The following IQCM variants were observed in gnomAD, a reference collection of about 807,000 sequenced individuals.
IQCM encodes IQ motif containing M.
A neutral mutation model predicts 57.6 loss-of-function variants in IQCM; 45 were observed. That is an observed-to-expected ratio of 0.78 (90% CI 0.62 to 1.00). The LOEUF is 1.00. Among genes scored for constraint, IQCM ranks in the 50% least tolerant of loss-of-function variants. IQCM has a pLI of 0.00. For missense variants in IQCM, 468 were observed against 511.6 expected (o/e 0.91, Z 0.82); for synonymous variants, 148 against 158.9 (o/e 0.93, Z 0.51).
rs374142327 is a variant in IQCM, at chr4:149,533,272, C to T, written c.1228+15183G>A. On this transcript the variant is annotated intron_variant, in intron 12 of 13. Transcript: ENST00000636793. The stretch of plus-strand genomic sequence containing the variant: ...TATTTTCATTTTGAAGTATTTCTGA[C>T]ATATAAAAAAGAAATAAAGAAATAA... Among the ~76,000 whole-genome samples the T allele has an allele frequency of 4.6e-5, 7 of 151,994 alleles. 1 individual carries two copies. Among genetic ancestry groups the T allele is most frequent in the African/African-American group, 4.8e-5 (2 of 41,464 alleles).
intron 8 of IQCM, among the ~76,000 whole-genome samples, chr4:149,600,410 T>C (rs532021702): frequency 1.3e-5 from 2 of 152,292 alleles, no homozygotes; most frequent in East Asian, 1.9e-4. Flanking sequence ...AAATTCAATA[T>C]ACCAAAATTC....
At chr4:149,531,238 T>C (rs1746718889) in intron 12 of IQCM, among the ~76,000 whole-genome samples, 4 of 152,186 alleles carry the variant, frequency 2.6e-5, no homozygotes, top group African/African-American at 9.6e-5. Flanking sequence ...CCTTAAAAAG[T>C]GACATGAGTT....
chr4:149,748,729 A>G (rs558584006), intron 2 of IQCM: 4 of 152,344 alleles, frequency 2.6e-5, no homozygotes, highest in African/African-American at 9.6e-5. Context: ...AGACAAGACT[A>G]TCATTCATAG....
chr4:149,352,069 A>G lies in IQCM; in HGVS notation c.1391-3T>C, dbSNP rs1728621714. On this transcript the variant is annotated splice_region_variant and splice_polypyrimidine_tract_variant and intron_variant, in intron 13 of 13. Transcript: ENST00000636793. ...TTTGAGTGCTGGATGTCCATTTACT[A>G]TAATACAAAACATACAGTCACATTA... The G allele has an allele frequency of 5.0e-6, 2 of 398,862 alleles. No homozygotes were observed. Among genetic ancestry groups the G allele is most frequent in the Non-Finnish European group, 8.8e-6 (2 of 226,008 alleles). The allele number at this position is 398,862 out of a possible 1,614,324, so 24.7% of individuals were successfully genotyped here.
chr4:149,402,912 AC>A (rs1316612710), intron 13 of IQCM, among the ~76,000 whole-genome samples: 1 of 151,870 alleles, frequency 6.6e-6, no homozygotes. Flanking sequence ...AAATGACCAA[AC>A]CAGGATGTTA....
At chr4:149,638,141 T>C (rs936884102) in intron 7 of IQCM, among the ~76,000 whole-genome samples, 3 of 152,034 alleles carry the variant, frequency 2.0e-5, no homozygotes, top group Admixed American at 6.6e-5. Context: ...TTATTCACAA[T>C]AGAAAATAGA....
At chr4:149,622,177 A>G (rs956647361) in intron 7 of IQCM, among the ~76,000 whole-genome samples, 1 of 152,186 alleles carries the variant, frequency 6.6e-6, no homozygotes, top group African/African-American at 2.4e-5. Flanking sequence ...ATGTTATCTC[A>G]GAGACATTCT....
intron 12 of IQCM, among the ~76,000 whole-genome samples, chr4:149,530,104 A>G (rs1168988982): frequency 2.6e-5 from 4 of 152,036 alleles, no homozygotes; most frequent in Non-Finnish European, 4.4e-5. Flanking sequence ...CTCAAACACC[A>G]TGGTATTCCA....
intron 12 of IQCM, among the ~76,000 whole-genome samples, chr4:149,451,249 T>C (rs1737090100): frequency 6.6e-6 from 1 of 151,706 alleles, no homozygotes; most frequent in South Asian, 2.1e-4. Context: ...ATAAAAAGAA[T>C]AAATAAGTCC....
At chr4:149,355,513 GA>G (rs1728906223) in intron 13 of IQCM, among the ~76,000 whole-genome samples, 2 of 150,926 alleles carry the variant, frequency 1.3e-5, no homozygotes, top group South Asian at 4.2e-4. Context: ...TTGTCCTTGC[GA>G]TAGTTTGCTG....
intron 9 of IQCM, among the ~76,000 whole-genome samples, chr4:149,580,596 A>G (rs930797029): frequency 6.6e-6 from 1 of 151,844 alleles, no homozygotes; most frequent in Non-Finnish European, 1.5e-5. Flanking sequence ...GTTCTCATAA[A>G]ATCTTTGTAA....
At chr4:149,689,459 G>A (rs1762788717) in intron 5 of IQCM, among the ~76,000 whole-genome samples, 1 of 151,958 alleles carries the variant, frequency 6.6e-6, no homozygotes, top group African/African-American at 2.4e-5. Context: ...CGGGTTGACA[G>A]GTGCAGCAAA....
intron 7 of IQCM, among the ~76,000 whole-genome samples, chr4:149,622,095 A>G (rs182821287): frequency 4.5e-4 from 69 of 152,304 alleles, no homozygotes; most frequent in African/African-American, 1.6e-3. Context: ...CATTGCTTCA[A>G]TTTATTTACA....
intron 9 of IQCM, among the ~76,000 whole-genome samples, chr4:149,573,892 G>A (rs1751395050): frequency 6.6e-6 from 1 of 152,014 alleles, no homozygotes; most frequent in Non-Finnish European, 1.5e-5. Flanking sequence ...TCCTCTGTGT[G>A]ATGAAATCAA....
rs191713679 is a variant in IQCM at position 149,399,453 on chromosome 4, G to A, written c.1390+33943C>T. On this transcript the variant is annotated intron_variant, in intron 13 of 13. Transcript: ENST00000636793. ...GGTTGGGAGGAAGGGAGAGAGTGAA[G>A]AAAAGATAAGAAACAAAACAAGAAA... 3.4e-3 allele frequency among the ~76,000 whole-genome samples: 523 copies of A among 151,934 alleles called. 9 individuals are homozygous for A. Among genetic ancestry groups the A allele is most frequent in the Admixed American group, 0.027 (411 of 15,208 alleles).
intron 7 of IQCM, among the ~76,000 whole-genome samples, chr4:149,643,645 C>T (rs1561097168): frequency 6.6e-6 from 1 of 152,094 alleles, no homozygotes; most frequent in Non-Finnish European, 1.5e-5. Context: ...CACTGTTTAT[C>T]CAAACAGGAG....
At chr4:149,786,822 T>G (rs1255798584) in intron 2 of IQCM, among the ~76,000 whole-genome samples, 3 of 152,186 alleles carry the variant, frequency 2.0e-5, no homozygotes, top group African/African-American at 4.8e-5. Flanking sequence ...GCAATCCCAT[T>G]ACTGGGTATA....
intron 5 of IQCM, among the ~76,000 whole-genome samples, chr4:149,729,462 T>G (rs764513025): frequency 5.9e-4 from 32 of 54,364 alleles, no homozygotes; most frequent in Non-Finnish European, 1.4e-4. Context: ...TTTTTTGTTG[T>G]TTTTTTTTTT....
At chr4:149,705,326 TACA>T (rs1764076182) in intron 5 of IQCM, among the ~76,000 whole-genome samples, 1 of 150,516 alleles carries the variant, frequency 6.6e-6, no homozygotes, top group African/African-American at 2.4e-5. Flanking sequence ...TCTACCAGGA[TACA>T]ACTATTAGAG....
Sources: gnomAD v4.1 joint callset for allele counts (sites outside exome capture counted in the v4.1 genomes callset) on GRCh38, gnomAD v4.1.1 for gene constraint, MANE v1.5 for transcripts, NCBI Gene and HGNC (gene_info 2026-07-23, HGNC 2026-07-21) for gene names.